The following RSU1 variants were observed in gnomAD, a reference collection of about 807,000 sequenced individuals.
RSU1 encodes rsu-1.
A neutral mutation model predicts 31.1 loss-of-function variants in RSU1; 26 were observed. The observed-to-expected ratio is 0.84, with a 90% CI of 0.61 to 1.16. The LOEUF is 1.16. Ranked by LOEUF, RSU1 falls within the 50% of genes most tolerant of loss-of-function variation. The probability of loss-of-function intolerance (pLI) is 0.00; values close to 1 mark genes in which losing one functional copy is unlikely to be tolerated. For missense variants in RSU1, 320 were observed against 339.1 expected (o/e 0.94, Z 0.44); for synonymous variants, 164 against 136.3 (o/e 1.20, Z -1.41).
intron 8 of RSU1, among the ~76,000 whole-genome samples, chr10:16,671,768 G>A (rs1038067666): frequency 1.3e-5 from 2 of 151,772 alleles, no homozygotes; most frequent in African/African-American, 4.8e-5. Context: ...TGGGGCTACA[G>A]GCACATACCA....
intron 8 of RSU1, among the ~76,000 whole-genome samples, chr10:16,647,440 C>G (rs1348760197): frequency 6.6e-6 from 1 of 152,148 alleles, no homozygotes; most frequent in Non-Finnish European, 1.5e-5. Flanking sequence ...CATGCAAAAA[C>G]TTGTACGGAA....
chr10:16,752,150 G>A (rs1485606763), intron 7 of RSU1, among the ~76,000 whole-genome samples: 1 of 152,090 alleles, frequency 6.6e-6, no homozygotes, highest in Non-Finnish European at 1.5e-5. Flanking sequence ...AATTTAAGGG[G>A]TTAAAAAGTA....
chr10:16,725,988 T>C (rs991400364), intron 7 of RSU1, among the ~76,000 whole-genome samples: 1 of 151,586 alleles, frequency 6.6e-6, no homozygotes. Context: ...TATATATGTA[T>C]AAAACATACA....
At chr10:16,784,085 C>G (rs61843967) in intron 2 of RSU1, among the ~76,000 whole-genome samples, 17,512 of 135,330 alleles carry the variant, frequency 0.13, 1,444 homozygotes, top group African/African-American at 0.3. Context: ...CCTCTATGTA[C>G]AATTTTTTTT....
chr10:16,786,590 G>C (rs1215235259), intron 2 of RSU1, among the ~76,000 whole-genome samples: 1 of 152,072 alleles, frequency 6.6e-6, no homozygotes, highest in East Asian at 1.9e-4. Context: ...TCAGTGGTCA[G>C]AGCTAGGGAA....
At chr10:16,679,962 A>T (rs924691393) in intron 8 of RSU1, among the ~76,000 whole-genome samples, 1 of 147,898 alleles carries the variant, frequency 6.8e-6, no homozygotes, top group Non-Finnish European at 1.5e-5. Context: ...GCTCACCGCA[A>T]TCTCTCCCTC....
intron 7 of RSU1, among the ~76,000 whole-genome samples, chr10:16,698,296 G>A (rs941580871): frequency 1.3e-5 from 2 of 152,046 alleles, no homozygotes; most frequent in Non-Finnish European, 2.9e-5. Flanking sequence ...ATCCGAAACT[G>A]AAGGTATGTT....
At chr10:16,605,971 A>T (rs374698781) in intron 8 of RSU1, among the ~76,000 whole-genome samples, 4 of 151,694 alleles carry the variant, frequency 2.6e-5, no homozygotes, top group East Asian at 2.0e-4. Context: ...ATTTTTTTTC[A>T]TAAACACCTG....
At chr10:16,680,499 G>A (rs1260417334) in intron 8 of RSU1, among the ~76,000 whole-genome samples, 1 of 152,194 alleles carries the variant, frequency 6.6e-6, no homozygotes, top group African/African-American at 2.4e-5. Flanking sequence ...GGCTGTACAA[G>A]AAGCATAGTG....
At chr10:16,758,031 G>C (rs1334263916) in intron 4 of RSU1, among the ~76,000 whole-genome samples, 2 of 152,176 alleles carry the variant, frequency 1.3e-5, no homozygotes, top group Non-Finnish European at 2.9e-5. Context: ...CTGGTGGCAA[G>C]AATCTACTTA....
At chr10:16,809,998 G>C (rs1215300565) in intron 2 of RSU1, among the ~76,000 whole-genome samples, 2 of 150,066 alleles carry the variant, frequency 1.3e-5, no homozygotes, top group East Asian at 4.0e-4. Context: ...GGGGTGGGGG[G>C]GGGAGGTGAA....
intron 8 of RSU1, among the ~76,000 whole-genome samples, chr10:16,630,858 T>C (rs182864874): frequency 9.9e-5 from 15 of 152,282 alleles, no homozygotes; most frequent in Admixed American, 9.8e-4. Context: ...TCTTTTTGCT[T>C]TACATAGAAA....
chr10:16,705,633 C>T (rs905648703), intron 7 of RSU1, among the ~76,000 whole-genome samples: 1 of 152,046 alleles, frequency 6.6e-6, no homozygotes, highest in African/African-American at 2.4e-5. Flanking sequence ...AGACTACAGG[C>T]GAGTGCCACC....
intron 8 of RSU1, among the ~76,000 whole-genome samples, chr10:16,648,706 G>A (rs757619715): frequency 1.3e-5 from 2 of 151,862 alleles, no homozygotes; most frequent in Non-Finnish European, 2.9e-5. Context: ...AATGTACCTG[G>A]ACTATATTCA....
intron 3 of RSU1, among the ~76,000 whole-genome samples, 184 bp downstream of exon 3, chr10:16,781,850 G>A (rs1196073046): frequency 6.6e-6 from 1 of 152,126 alleles, no homozygotes; most frequent in Non-Finnish European, 1.5e-5. Context: ...TCAAAGTAGA[G>A]CTAACTACAA....
intron 8 of RSU1, among the ~76,000 whole-genome samples, chr10:16,655,901 G>A (rs1834768384): frequency 6.6e-6 from 1 of 152,026 alleles, no homozygotes; most frequent in Admixed American, 6.6e-5. Flanking sequence ...TGCACTATTT[G>A]CCTTACTGCT....
At chr10:16,686,941 T>C (rs556891076) in intron 8 of RSU1, among the ~76,000 whole-genome samples, 9 of 152,302 alleles carry the variant, frequency 5.9e-5, no homozygotes, top group African/African-American at 1.7e-4. Flanking sequence ...GCAAATTGCA[T>C]TGAGTAAAAA....
At chr10:16,628,543 A>G (rs1451054631) in intron 8 of RSU1, among the ~76,000 whole-genome samples, 1 of 152,258 alleles carries the variant, frequency 6.6e-6, no homozygotes, top group Non-Finnish European at 1.5e-5. Context: ...AAACTGCAAG[A>G]AATTTTACAC....
intron 2 of RSU1, among the ~76,000 whole-genome samples, chr10:16,810,087 G>A (rs796793046): frequency 7.3e-5 from 11 of 151,510 alleles, no homozygotes; most frequent in African/African-American, 1.7e-4. Flanking sequence ...AAAAATTAGC[G>A]GAGCATGGTA....
Sources: allele counts gnomAD v4.1 joint callset (sites outside exome capture counted in the v4.1 genomes callset), GRCh38; gene constraint gnomAD v4.1.1; transcripts MANE v1.5; gene names NCBI Gene and HGNC (gene_info 2026-07-23, HGNC 2026-07-21).